Variants in CASZ1 observed in about 807,000 individuals in gnomAD.
CASZ1 encodes zinc finger protein castor homolog 1.
A neutral mutation model predicts 135.2 loss-of-function variants in CASZ1; 28 were observed. The ratio of observed to expected loss-of-function variants is 0.21; its 90% CI spans 0.15 to 0.28. The LOEUF (loss-of-function observed/expected upper bound fraction) is 0.28. CASZ1 is among the 10% of genes least tolerant of loss of function. The probability of loss-of-function intolerance (pLI) is 1.00; values close to 1 mark genes in which losing one functional copy is unlikely to be tolerated. For missense variants in CASZ1, 2,161 were observed against 2,453.3 expected (o/e 0.88, Z 2.52); for synonymous variants, 1,068 against 1,073.4 (o/e 0.99, Z 0.10).
At chr1:10,662,548 C>T (rs1557482786) in intron 5 of CASZ1, among the ~76,000 whole-genome samples, 2 of 151,920 alleles carry the variant, frequency 1.3e-5, no homozygotes, top group Non-Finnish European at 1.5e-5. Flanking sequence ...CATGCAATCA[C>T]ACACACTCTA....
At chr1:10,689,042 A>T (rs1299864135) in intron 4 of CASZ1, among the ~76,000 whole-genome samples, 1 of 152,226 alleles carries the variant, frequency 6.6e-6, no homozygotes, top group Admixed American at 6.5e-5. Context: ...GTCAGGGTGT[A>T]AAAATCAGCT....
intron 1 of CASZ1, among the ~76,000 whole-genome samples, chr1:10,783,246 A>T (rs557162996): frequency 2.8e-4 from 41 of 148,148 alleles, no homozygotes; most frequent in African/African-American, 9.2e-4. Context: ...CCAGTGGAGA[A>T]GTGTGTGTGT....
rs927883895 is a variant in CASZ1, at chr1:10,767,602, C to T, written c.-233-6745G>A. Among the ~76,000 whole-genome samples, 7 of 152,340 alleles carry T rather than the reference C, an allele frequency of 4.6e-5. No homozygotes were observed. Among genetic ancestry groups the T allele is most frequent in the Middle Eastern group, 3.4e-3 (1 of 294 alleles). ...ACCAGGCTTGGTGGCTCAGCCCTTT[C>T]TGCCATCGACCACCCAAAGTCATTC... On this transcript the variant is annotated intron_variant, in intron 1 of 20. Transcript: ENST00000377022. This position sits in a 1 kb window ranked among gnomAD's most constrained non-coding sequence, Gnocchi z 4.2.
chr1:10,647,568 T>C lies in CASZ1; in HGVS notation c.3497+233A>G. On this transcript the variant is annotated intron_variant, in intron 16 of 20. Coordinates refer to ENST00000377022, the MANE Select transcript of CASZ1 (RefSeq NM_001079843.3). The surrounding 1 kb of genome is among the most constrained non-coding windows in gnomAD (Gnocchi z 4.9). ...ATCACCACATGCCCTGCAGGAGCAGTAGCCACTGCCGCCACCATCGGCCCA... is the reference window on the plus strand; with the variant it reads ...ATCACCACATGCCCTGCAGGAGCAGCAGCCACTGCCGCCACCATCGGCCCA... The C allele has an allele frequency of 7.1e-6, 10 of 1,407,432 alleles. No homozygotes were observed. Among genetic ancestry groups the C allele is most frequent in the South Asian group, 1.5e-5 (1 of 66,630 alleles). The allele number at this position is 1,407,432 out of a possible 1,614,324, so 87.2% of individuals were successfully genotyped here.
In CASZ1 at chr1:10,699,299, AC is replaced by A. The variant is rs1639010544; in HGVS notation, c.-23-5388del. On this transcript the variant is annotated intron_variant, in intron 3 of 20. Transcript: ENST00000377022. The surrounding 1 kb of genome is among the most constrained non-coding windows in gnomAD (Gnocchi z 4.6). ...CCCTTGTGCCCTGGGAGAGGATCACACTTTCCCCCCATTTCCTTTTAGGGAA... is the reference window on the plus strand; with the variant it reads ...CCCTTGTGCCCTGGGAGAGGATCACATTTCCCCCCATTTCCTTTTAGGGAA... 1.3e-5 allele frequency among the ~76,000 whole-genome samples: 2 copies of A among 152,236 alleles called. No homozygotes were observed. The highest frequency in any genetic ancestry group is 1.5e-5 in the Non-Finnish European group (1 of 67,998).
chr1:10,778,869 T>G (rs1476985334), intron 1 of CASZ1, among the ~76,000 whole-genome samples: 4 of 152,200 alleles, frequency 2.6e-5, no homozygotes, highest in Non-Finnish European at 5.9e-5. Flanking sequence ...CCTGGAGGTC[T>G]CTGCTCCCAG....
At chr1:10,783,470 G>A (rs1389148839) in intron 1 of CASZ1, among the ~76,000 whole-genome samples, 3 of 151,878 alleles carry the variant, frequency 2.0e-5, no homozygotes, top group Non-Finnish European at 2.9e-5. Context: ...GAGGGGGTGG[G>A]GGTCACTGAA....
rs1187990205 is a variant in CASZ1, at chr1:10,694,239, C to G, written c.-23-327G>C. On this transcript the variant is annotated intron_variant, in intron 3 of 20. Coordinates refer to ENST00000377022, the MANE Select transcript of CASZ1 (RefSeq NM_001079843.3). This position sits in a 1 kb window ranked among gnomAD's most constrained non-coding sequence, Gnocchi z 6.6. ...CGTCCCGCCGACCGCGCCCCGCGCCCGGGTCGCCGCCCGAGACCGCGGCCC... is the reference window on the plus strand; with the variant it reads ...CGTCCCGCCGACCGCGCCCCGCGCCGGGGTCGCCGCCCGAGACCGCGGCCC... 3.8e-6 allele frequency: 3 copies of G among 782,706 alleles called. No homozygotes were observed. Among genetic ancestry groups the G allele is most frequent in the Admixed American group, 6.3e-5 (1 of 15,808 alleles). The allele number at this position is 782,706 out of a possible 1,614,324, so 48.5% of individuals were successfully genotyped here.
intron 2 of CASZ1, among the ~76,000 whole-genome samples, chr1:10,733,140 G>T (rs1200061674): frequency 6.6e-6 from 1 of 152,152 alleles, no homozygotes; most frequent in Admixed American, 6.5e-5. Context: ...GAGGAGAAAG[G>T]AAAGAAAGAG....
intron 11 of CASZ1, 121 bp from the exon 12 acceptor site, chr1:10,651,197 G>A (rs986618677): frequency 1.1e-5 from 8 of 709,178 alleles, no homozygotes; most frequent in South Asian, 3.0e-5. Flanking sequence ...ACTGGTCAGC[G>A]CTTCTCCCGC....
chr1:10,693,790 C>T (rs1638841706), intron 4 of CASZ1, 84 bp downstream of exon 4: 3 of 1,321,340 alleles, frequency 2.3e-6, no homozygotes, highest in Non-Finnish European at 2.2e-6. Context: ...CCGCCGCCAC[C>T]TCATTGGGCT....
At position 10,660,625 on chromosome 1, in the gene CASZ1, A is replaced by C. The variant is rs769127987; in HGVS notation, c.506-89T>G. ...ACTGGGGGCCCCCACCCATAGAGGG[A>C]GGGGGTCAGTGTGGGGAGGGGCGGA... On this transcript the variant is annotated intron_variant, in intron 5 of 20. Coordinates refer to ENST00000377022, the MANE Select transcript of CASZ1 (RefSeq NM_001079843.3). 7 of 1,069,946 alleles carry C rather than the reference A, an allele frequency of 6.5e-6. No individual in the cohort carries two copies. In the Admixed American group the frequency reaches 1.5e-4, roughly 22 times the overall value. 66.3% of individuals were successfully genotyped at this position (1,069,946 alleles called of 1,614,324 possible).
chr1:10,794,506 TA>T lies in CASZ1; in HGVS notation c.-234+2057del, dbSNP rs1289492643. On this transcript the variant is annotated intron_variant, in intron 1 of 20. Coordinates refer to ENST00000377022, the MANE Select transcript of CASZ1 (RefSeq NM_001079843.3). The surrounding 1 kb of genome is among the most constrained non-coding windows in gnomAD (Gnocchi z 5.6). ...GGAGCTCCATACTCAGGAGAGGCGC[TA>T]CTGCCGCTTTTCCGGTGGGCACGCA... Among the ~76,000 whole-genome samples the T allele has an allele frequency of 6.6e-6, 1 of 151,948 alleles. No individual in the cohort carries two copies. Among genetic ancestry groups the T allele is most frequent in the African/African-American group, 2.4e-5 (1 of 41,374 alleles).
intron 1 of CASZ1, among the ~76,000 whole-genome samples, chr1:10,785,050 T>TCTTG (rs368098117): frequency 0.73 from 105,857 of 144,668 alleles, 39,189 homozygotes; most frequent in Non-Finnish European, 0.82. Context: ...TTGCTTGCTT[T>TCTTG]CTTTCTGTCT....
chr1:10,648,040 G>T lies in CASZ1; in HGVS notation c.3258C>A (p.Ser1086=). The T allele has an allele frequency of 6.2e-7, 1 of 1,601,830 alleles. No individual in the cohort carries two copies. Among genetic ancestry groups the T allele is most frequent in the Non-Finnish European group, 8.5e-7 (1 of 1,174,334 alleles). The change falls in exon 16 of 21, where the codon TCC becomes TCA. Residue 1086 remains serine, a synonymous_variant. Transcript: ENST00000377022. ...CCGTGGTGACAGGAGGGACCGGAGG[G>T]GACGAGGGGGCCATGGGAGGTTTGG... ...AETKPPMAPS[S]PPVPPVTTAT... is the part of the protein sequence containing the mutation.
In CASZ1 at chr1:10,707,208, A is replaced by G. The variant is rs1639195568; in HGVS notation, c.-76-1664T>C. ...AGCCCCCCAACTCCACAACTCTGGT[A>G]TCTCCCTTCCACCACCTTTCTCTCC... On this transcript the variant is annotated intron_variant, in intron 2 of 20. Transcript: ENST00000377022. The surrounding 1 kb of genome is among the most constrained non-coding windows in gnomAD (Gnocchi z 5.0). 1.3e-5 allele frequency among the ~76,000 whole-genome samples: 2 copies of G among 152,000 alleles called. No homozygotes were observed. The highest frequency in any genetic ancestry group is 4.8e-5 in the African/African-American group (2 of 41,382).
At position 10,794,046 on chromosome 1, in the gene CASZ1, G is replaced by A. The variant is rs1392849660; in HGVS notation, c.-234+2518C>T. On this transcript the variant is annotated intron_variant, in intron 1 of 20. Coordinates refer to ENST00000377022, the MANE Select transcript of CASZ1 (RefSeq NM_001079843.3). This position sits in a 1 kb window ranked among gnomAD's most constrained non-coding sequence, Gnocchi z 5.6. ...TCCGGGCACGTGGAGCGCAGCCCCGGCTCAGCCCCCGGGGAACAACTACCC... is the reference window on the plus strand; with the variant it reads ...TCCGGGCACGTGGAGCGCAGCCCCGACTCAGCCCCCGGGGAACAACTACCC... Among the ~76,000 whole-genome samples the A allele has an allele frequency of 3.9e-5, 6 of 152,164 alleles. No homozygotes were observed. Among genetic ancestry groups the A allele is most frequent in the Admixed American group, 6.5e-5 (1 of 15,290 alleles).
chr1:10,689,973 T>TG (rs1638713751), intron 4 of CASZ1, among the ~76,000 whole-genome samples: 1 of 152,258 alleles, frequency 6.6e-6, no homozygotes, highest in East Asian at 1.9e-4. Flanking sequence ...AGCTCCTTTC[T>TG]GCCAAGATGG....
Position 10,697,250 on chromosome 1 carries a change from TTCTC to T in CASZ1, c.-23-3342_-23-3339del, listed in dbSNP as rs1557515697. Among the ~76,000 whole-genome samples the T allele has an allele frequency of 1.4e-5, 2 of 140,130 alleles. No individual in the cohort carries two copies. Among genetic ancestry groups the T allele is most frequent in the African/African-American group, 5.2e-5 (2 of 38,616 alleles). 91.9% of individuals were successfully genotyped at this position (140,130 alleles called of 152,430 possible). Reference sequence around the variant, plus strand: ...GGCCCCCAGATTATGCGCCCCCCCCTTCTCTCTCTTTCTCTCTGAGTGTATCTGC... The same window carrying T: ...GGCCCCCAGATTATGCGCCCCCCCCTTCTCTTTCTCTCTGAGTGTATCTGC... On this transcript the variant is annotated intron_variant, in intron 3 of 20. Coordinates refer to ENST00000377022, the MANE Select transcript of CASZ1 (RefSeq NM_001079843.3). This position sits in a 1 kb window ranked among gnomAD's most constrained non-coding sequence, Gnocchi z 4.7.
Sources: allele counts gnomAD v4.1 joint callset (sites outside exome capture counted in the v4.1 genomes callset), GRCh38; gene constraint gnomAD v4.1.1; non-coding constraint Gnocchi (gnomAD v3.1); transcripts MANE v1.5; gene names NCBI Gene and HGNC (gene_info 2026-07-23, HGNC 2026-07-21).